Variants in NCKAP1 observed in about 807,000 individuals in gnomAD.
NCKAP1 encodes the protein NCK associated protein 1.
In NCKAP1, 21 loss-of-function variants were observed where a neutral mutation model predicts 151.2. The observed-to-expected ratio is 0.14, with a 90% CI of 0.10 to 0.20. NCKAP1 has a LOEUF of 0.20. NCKAP1 is among the 10% of genes least tolerant of loss of function. NCKAP1 has a pLI of 1.00. For missense variants in NCKAP1, 933 were observed against 1,352.1 expected, an observed-to-expected ratio of 0.69 and a Z score of 4.86; for synonymous variants, 484 against 451.8, an observed-to-expected ratio of 1.07 and a Z score of -0.90.
chr2:183,025,841 G>A lies in NCKAP1; in HGVS notation c.109-1925C>T, dbSNP rs577372911. On this transcript the variant is annotated intron_variant, in intron 1 of 30. Coordinates refer to ENST00000361354, the MANE Select transcript of NCKAP1 (RefSeq NM_013436.5). ...AATCAAGTGTCATAAACATGCTTGAGGTAGTGCAAAATCCTAAAGTGATTC... is the reference window on the plus strand; with the variant it reads ...AATCAAGTGTCATAAACATGCTTGAAGTAGTGCAAAATCCTAAAGTGATTC... 3.3e-5 allele frequency among the ~76,000 whole-genome samples: 5 copies of A among 152,238 alleles called. No individual in the cohort carries two copies. In the South Asian group the frequency reaches 1.0e-3, roughly 32 times the overall value.
intron 24 of NCKAP1, among the ~76,000 whole-genome samples, chr2:182,940,463 GAGTTTT>G (rs1228383345): frequency 4.4e-4 from 66 of 150,590 alleles, no homozygotes; most frequent in African/African-American, 1.5e-3. Flanking sequence ...CTTTGAAATA[GAGTTTT>G]GCTCTTGTCG....
chr2:183,034,715 T>C (rs1410580899), intron 1 of NCKAP1, among the ~76,000 whole-genome samples: 1 of 152,156 alleles, frequency 6.6e-6, no homozygotes, highest in Non-Finnish European at 1.5e-5. Flanking sequence ...TTCTGTGAAG[T>C]ATGTAGGGCA....
At position 182,920,538 on chromosome 2, in the gene NCKAP1, A is replaced by C. The variant is rs1696533478; in HGVS notation, c.*5164T>G. On this transcript the variant is annotated 3_prime_UTR_variant, in exon 31 of 31. Transcript: ENST00000361354. ...AACAATAAATTTGTTACTATAAAAA[A>C]ACTTCTTGCTTATAGTTCTGGAGGC... 6.6e-6 allele frequency: 1 copy of C among 152,210 alleles called. No homozygotes were observed. Among genetic ancestry groups the C allele is most frequent in the African/African-American group, 2.4e-5 (1 of 41,452 alleles). 9.4% of individuals were successfully genotyped at this position (152,210 alleles called of 1,614,324 possible).
At chr2:182,928,971 A>G in intron 27 of NCKAP1, 72 bp from the exon 28 acceptor site, 1 of 958,020 alleles carries the variant, frequency 1.0e-6, no homozygotes, top group Non-Finnish European at 1.6e-6. Context: ...AATCTAAACT[A>G]AACAGATTTT....
intron 24 of NCKAP1, among the ~76,000 whole-genome samples, chr2:182,938,174 G>A (rs1486765684): frequency 6.6e-6 from 1 of 152,134 alleles, no homozygotes; most frequent in Non-Finnish European, 1.5e-5. Context: ...GGTCAAACTA[G>A]TACTTGGTAT....
At position 183,002,213 on chromosome 2, in the gene NCKAP1, T is replaced by G; in HGVS notation, c.426A>C (p.Thr142=). The change falls in exon 5 of 31, where the codon ACA becomes ACC. Residue 142 remains threonine, a synonymous_variant. Coordinates refer to ENST00000361354, the MANE Select transcript of NCKAP1 (RefSeq NM_013436.5). The part of the protein sequence containing the change: ...NYLDLIITYT[T]LMILLSRIEE... ...CAATTCGAGACAGCAGTATCATTAG[T>G]GTTGTATAGGTTATAATTAAATCTA... The G allele has an allele frequency of 6.3e-7, 1 of 1,580,908 alleles. No homozygotes were observed. The highest frequency in any genetic ancestry group is 8.7e-7 in the Non-Finnish European group (1 of 1,150,170).
chr2:182,970,326 G>A (rs901355061), intron 15 of NCKAP1, among the ~76,000 whole-genome samples: 5 of 152,078 alleles, frequency 3.3e-5, no homozygotes, highest in African/African-American at 1.2e-4. Context: ...AGAAACTACA[G>A]GCCATCATCA....
intron 8 of NCKAP1, among the ~76,000 whole-genome samples, chr2:182,991,660 CA>C (rs578190632): frequency 0.015 from 2,026 of 131,784 alleles, 33 homozygotes; most frequent in African/African-American, 0.048. Context: ...GATGAAAGGA[CA>C]AAAAAAAAAA....
chr2:182,935,415 T>G, intron 24 of NCKAP1, 40 bp from the exon 25 acceptor site: 1 of 1,251,748 alleles, frequency 8.0e-7, no homozygotes, highest in East Asian at 2.6e-5. Context: ...AATAAAAAAG[T>G]GTGAACTGGA....
intron 1 of NCKAP1, among the ~76,000 whole-genome samples, chr2:183,032,596 A>C (rs1316886138): frequency 3.9e-5 from 6 of 152,166 alleles, no homozygotes; most frequent in Admixed American, 3.9e-4. Flanking sequence ...GTAAGAATAC[A>C]GTGTTATCTT....
At chr2:182,985,746 T>C (rs1333950638) in intron 10 of NCKAP1, among the ~76,000 whole-genome samples, 1 of 147,524 alleles carries the variant, frequency 6.8e-6, no homozygotes, top group Non-Finnish European at 1.5e-5. Context: ...GAGACTGCAG[T>C]GAGCCGAGAT....
chr2:182,936,281 A>G (rs914973214), intron 24 of NCKAP1, among the ~76,000 whole-genome samples: 1 of 152,124 alleles, frequency 6.6e-6, no homozygotes, highest in African/African-American at 2.4e-5. Context: ...TTAACAAAGT[A>G]GGATTGGAAG....
chr2:183,031,685 G>C (rs1369102490), intron 1 of NCKAP1, among the ~76,000 whole-genome samples: 1 of 152,130 alleles, frequency 6.6e-6, no homozygotes, highest in African/African-American at 2.4e-5. Context: ...ACAAGGCACT[G>C]TACCAATACT....
intron 2 of NCKAP1, among the ~76,000 whole-genome samples, chr2:183,007,595 T>C (rs1698502860): frequency 6.6e-6 from 1 of 152,240 alleles, no homozygotes; most frequent in African/African-American, 2.4e-5. Context: ...TTACCTTCTA[T>C]TGTTATTGAA....
chr2:182,938,598 G>A (rs1047357017), intron 24 of NCKAP1, among the ~76,000 whole-genome samples: 1 of 152,080 alleles, frequency 6.6e-6, no homozygotes. Flanking sequence ...AAGTTTCAAA[G>A]TAAGACAGGT....
chr2:183,034,875 A>T (rs529074853), intron 1 of NCKAP1, among the ~76,000 whole-genome samples: 1 of 152,224 alleles, frequency 6.6e-6, no homozygotes, highest in South Asian at 2.1e-4. Flanking sequence ...AATTTTCCCC[A>T]TTTTACAGAT....
intron 2 of NCKAP1, among the ~76,000 whole-genome samples, chr2:183,017,383 G>C (rs1698712863): frequency 6.6e-6 from 1 of 152,116 alleles, no homozygotes; most frequent in Non-Finnish European, 1.5e-5. Context: ...GTCCCATCTG[G>C]GGGTGATGGG....
At chr2:182,950,463 C>G (rs1697191099) in intron 23 of NCKAP1, among the ~76,000 whole-genome samples, 1 of 151,792 alleles carries the variant, frequency 6.6e-6, no homozygotes, top group African/African-American at 2.4e-5. Flanking sequence ...TATTTGAGAA[C>G]AGTAGGATAG....
intron 27 of NCKAP1, among the ~76,000 whole-genome samples, chr2:182,929,765 A>G (rs1489245357): frequency 6.7e-6 from 1 of 150,306 alleles, no homozygotes; most frequent in Non-Finnish European, 1.5e-5. Context: ...GTTAAATGAA[A>G]AAAAAAAAAA....
Sources: allele counts gnomAD v4.1 joint callset (sites outside exome capture counted in the v4.1 genomes callset), GRCh38; gene constraint gnomAD v4.1.1; transcripts MANE v1.5; gene names NCBI Gene and HGNC (gene_info 2026-07-23, HGNC 2026-07-21).